Variants in RAB7B observed in about 807,000 individuals in gnomAD.
RAB7B encodes the protein ras-related protein Rab-7b.
chr1:205,989,782 G>A (rs1660685162), intron 4 of RAB7B, among the ~76,000 whole-genome samples: 1 of 152,060 alleles, frequency 6.6e-6, no homozygotes, highest in African/African-American at 2.4e-5. Context: ...CCTAGTCCAA[G>A]TTCCTTGCTC....
intron 5 of RAB7B, chr1:205,983,657 C>A (rs1408412768): frequency 6.6e-6 from 1 of 152,172 alleles, no homozygotes; most frequent in African/African-American, 2.4e-5. Flanking sequence ...GGATTCAAAT[C>A]CAGGCCAGTC....
Position 205,978,580 on chromosome 1 carries a change from C to T in RAB7B, c.*271G>A, listed in dbSNP as rs1384008852. 8 of 313,942 alleles carry T rather than the reference C, an allele frequency of 2.5e-5. No homozygotes were observed. The highest frequency in any genetic ancestry group is 1.1e-4 in the African/African-American group (5 of 46,598). The allele number at this position is 313,942 out of a possible 1,614,324, so 19.4% of individuals were successfully genotyped here. On this transcript the variant is annotated 3_prime_UTR_variant, in exon 6 of 6. Transcript: ENST00000617070. ...TGGGTGGGGAAAGCTGGAGCCACTG[C>T]GGAAACGGTGACTTCTGCAGGACCA...
chr1:205,994,978 G>C (rs951094905), intron 1 of RAB7B, among the ~76,000 whole-genome samples: 12 of 152,196 alleles, frequency 7.9e-5, no homozygotes, highest in East Asian at 5.8e-4. Context: ...GAAAACAGAA[G>C]ATGGTACATT....
chr1:206,001,709 C>T (rs1335984835), intron 1 of RAB7B, among the ~76,000 whole-genome samples: 2 of 152,214 alleles, frequency 1.3e-5, no homozygotes, highest in African/African-American at 4.8e-5. Context: ...CAGCTCTTTC[C>T]CCTTCTTGTC....
intron 1 of RAB7B, among the ~76,000 whole-genome samples, chr1:205,997,889 G>C (rs1209461200): frequency 1.3e-5 from 2 of 152,214 alleles, no homozygotes; most frequent in African/African-American, 2.4e-5. Context: ...CGGGAGAAGA[G>C]GCAGCACTGG....
chr1:205,988,028 A>C (rs1344436831), intron 4 of RAB7B, among the ~76,000 whole-genome samples: 2 of 152,058 alleles, frequency 1.3e-5, no homozygotes, highest in African/African-American at 4.8e-5. Context: ...TACAGATAAA[A>C]TGTACCTGGC....
chr1:205,994,159 G>A lies in RAB7B; in HGVS notation c.-16-8C>T, dbSNP rs2102641466. Reference sequence around the variant, plus strand: ...ATGGAAGGGCTTCAGAGCCTGTAAGGAAACAGAGGTCATCCACATGCTAGC... The same window carrying A: ...ATGGAAGGGCTTCAGAGCCTGTAAGAAAACAGAGGTCATCCACATGCTAGC... On this transcript the variant is annotated splice_region_variant and splice_polypyrimidine_tract_variant and intron_variant, in intron 1 of 5. Coordinates refer to ENST00000617070, the MANE Select transcript of RAB7B (RefSeq NM_001164522.3). 2.5e-6 allele frequency: 1 copy of A among 398,638 alleles called. No individual in the cohort carries two copies. Among genetic ancestry groups the A allele is most frequent in the Admixed American group, 4.4e-5 (1 of 22,734 alleles). 24.7% of individuals were successfully genotyped at this position (398,638 alleles called of 1,614,324 possible). A position where few individuals can be genotyped will look rare whatever the true frequency, so the allele number is the denominator to read the frequency against.
intron 3 of RAB7B, among the ~76,000 whole-genome samples, chr1:205,993,155 T>C (rs1660753273): frequency 6.6e-6 from 1 of 152,216 alleles, no homozygotes; most frequent in Non-Finnish European, 1.5e-5. Context: ...TTGCAGGTCA[T>C]TCTGTCTCTA....
chr1:205,976,988 G>A lies in RAB7B; in HGVS notation c.*1863C>T, dbSNP rs2102628254. On this transcript the variant is annotated 3_prime_UTR_variant, in exon 6 of 6. Transcript: ENST00000617070. ...CCCCCTGTTCCCGTGCTGGCTCCAT[G>A]CTGGTGTCCAGAATGAGCCAGTTCA... 1 of 152,340 alleles carries A rather than the reference G, an allele frequency of 6.6e-6. No individual in the cohort carries two copies. Among genetic ancestry groups the A allele is most frequent in the Admixed American group, 6.5e-5 (1 of 15,308 alleles). The allele number at this position is 152,340 out of a possible 1,614,324, so 9.4% of individuals were successfully genotyped here.
chr1:205,995,122 G>A (rs1351086541), intron 1 of RAB7B, among the ~76,000 whole-genome samples: 7 of 152,170 alleles, frequency 4.6e-5, no homozygotes, highest in Non-Finnish European at 8.8e-5. Flanking sequence ...GGTGGGGGCA[G>A]GGGGTGGGAT....
chr1:205,996,174 G>GTGTT (rs1406019993), intron 1 of RAB7B, among the ~76,000 whole-genome samples: 2 of 145,662 alleles, frequency 1.4e-5, no homozygotes, highest in African/African-American at 5.1e-5. Flanking sequence ...GTGTGTGTGT[G>GTGTT]TGTGTGTGTT....
chr1:205,992,408 C>G, intron 4 of RAB7B, 72 bp downstream of exon 4: 1 of 398,200 alleles, frequency 2.5e-6, no homozygotes, highest in Non-Finnish European at 4.4e-6. Context: ...ATGTGTGGGA[C>G]CTAACACTGT....
chr1:205,982,752 C>T (rs1660518939), intron 5 of RAB7B, among the ~76,000 whole-genome samples: 1 of 152,150 alleles, frequency 6.6e-6, no homozygotes, highest in African/African-American at 2.4e-5. Flanking sequence ...GCGCCTCCCA[C>T]ATTCTCCTCT....
intron 5 of RAB7B, among the ~76,000 whole-genome samples, chr1:205,982,579 A>G (rs890690666): frequency 1.3e-5 from 2 of 152,198 alleles, no homozygotes; most frequent in African/African-American, 2.4e-5. Context: ...GGAAGATATT[A>G]TTATCTGTAC....
At chr1:205,979,190 C>G (rs1660442089) in intron 5 of RAB7B, among the ~76,000 whole-genome samples, 1 of 152,138 alleles carries the variant, frequency 6.6e-6, no homozygotes, top group Non-Finnish European at 1.5e-5. Context: ...CAGCCATGTC[C>G]TATAACTTTC....
chr1:205,996,848 G>A (rs1324135128), intron 1 of RAB7B, among the ~76,000 whole-genome samples: 2 of 151,954 alleles, frequency 1.3e-5, no homozygotes, highest in Non-Finnish European at 2.9e-5. Context: ...AGCAAAGTGA[G>A]GAAAAGCCCC....
At chr1:205,999,512 T>C (rs1172736466) in intron 1 of RAB7B, among the ~76,000 whole-genome samples, 5 of 152,232 alleles carry the variant, frequency 3.3e-5, no homozygotes, top group African/African-American at 4.8e-5. Flanking sequence ...CACTCTTATA[T>C]ATTGTTGATA....
chr1:205,993,835 G>A (rs1047851736), intron 2 of RAB7B, among the ~76,000 whole-genome samples: 1 of 152,232 alleles, frequency 6.6e-6, no homozygotes, highest in South Asian at 2.1e-4. Context: ...AGGACAGATA[G>A]ATGCTAAATG....
At chr1:205,979,031 C>T (rs1660439402) in intron 5 of RAB7B, 103 bp from the exon 6 acceptor site, 1 of 394,466 alleles carries the variant, frequency 2.5e-6, no homozygotes, top group Non-Finnish European at 4.5e-6. Context: ...CTTGTTTCCT[C>T]CCCATTATAC....
Sources: gnomAD v4.1 joint callset for allele counts (sites outside exome capture counted in the v4.1 genomes callset) on GRCh38, gnomAD v4.1.1 for gene constraint, MANE v1.5 for transcripts, NCBI Gene and HGNC (gene_info 2026-07-23, HGNC 2026-07-21) for gene names.